The following NSRP1 variants were observed in gnomAD, a reference collection of about 807,000 sequenced individuals.
The protein encoded by NSRP1 is coiled-coil domain containing 55.
In NSRP1, 24 loss-of-function variants were observed where a neutral mutation model predicts 54.7. The observed-to-expected ratio is 0.44, with a 90% CI of 0.32 to 0.62. The LOEUF is 0.62. Ranked by LOEUF, NSRP1 falls within the 20% of genes least tolerant of loss-of-function variation. The pLI, the probability that NSRP1 is intolerant of heterozygous loss-of-function variation, is 0.06. For missense variants in NSRP1, 596 were observed against 651.2 expected, an observed-to-expected ratio of 0.92 and a Z score of 0.92; for synonymous variants, 210 against 213.8, an observed-to-expected ratio of 0.98 and a Z score of 0.15.
intron 2 of NSRP1, among the ~76,000 whole-genome samples, chr17:30,153,515 G>C (rs570466601): frequency 6.6e-6 from 1 of 152,098 alleles, no homozygotes; most frequent in African/African-American, 2.4e-5. Context: ...GCACACTCTG[G>C]CTACCTTCTG....
intron 2 of NSRP1, chr17:30,122,387 T>TATA (rs56155916): frequency 2.6e-3 from 23 of 8,844 alleles, no homozygotes; most frequent in East Asian, 5.7e-3. Flanking sequence ...ATATATATAT[T>TATA]TTTTTTTTTT....
intron 2 of NSRP1, among the ~76,000 whole-genome samples, chr17:30,145,060 A>C (rs1303058580): frequency 6.6e-6 from 1 of 152,208 alleles, no homozygotes; most frequent in Non-Finnish European, 1.5e-5. Context: ...ACTGTGTTAC[A>C]GTATGTATAC....
intron 2 of NSRP1, among the ~76,000 whole-genome samples, chr17:30,169,469 C>G (rs1904848259): frequency 1.3e-5 from 2 of 152,028 alleles, no homozygotes; most frequent in Admixed American, 1.3e-4. Context: ...AAATATTTTT[C>G]ATTCATACTA....
chr17:30,138,909 G>GGTTTT (rs2071774173), intron 2 of NSRP1, among the ~76,000 whole-genome samples: 1 of 58,140 alleles, frequency 1.7e-5, no homozygotes, highest in Non-Finnish European at 3.2e-5. Flanking sequence ...AAGTCTTAGC[G>GGTTTT]TTTTTTTTTT....
chr17:30,118,024 T>C (rs1046268419), intron 1 of NSRP1, 56 bp from the exon 2 acceptor site: 1 of 1,354,908 alleles, frequency 7.4e-7, no homozygotes, highest in East Asian at 2.3e-5. Context: ...AGTAGATGTA[T>C]TTGTTAACAT....
intron 3 of NSRP1, 92 bp downstream of exon 3, chr17:30,172,690 C>T (rs1904996445): frequency 1.1e-6 from 1 of 946,494 alleles, no homozygotes. Flanking sequence ...GAGACTAAAA[C>T]AGAATAGATT....
At chr17:30,176,147 G>C (rs1905120158) in intron 3 of NSRP1, among the ~76,000 whole-genome samples, 1 of 151,854 alleles carries the variant, frequency 6.6e-6, no homozygotes, top group Admixed American at 6.6e-5. Flanking sequence ...TTCTGTTACT[G>C]AGAGGCATAT....
At chr17:30,141,060 G>C (rs925270824) in intron 2 of NSRP1, among the ~76,000 whole-genome samples, 1 of 152,166 alleles carries the variant, frequency 6.6e-6, no homozygotes, top group African/African-American at 2.4e-5. Context: ...GGCTCAAGCA[G>C]TTCTCCTGCT....
rs1905502319 is a variant in NSRP1, at chr17:30,185,536, A to G, written c.1539A>G (p.Gln513=). 6.2e-7 allele frequency: 1 copy of G among 1,614,100 alleles called. No individual in the cohort carries two copies. Among genetic ancestry groups the G allele is most frequent in the African/African-American group, 1.3e-5 (1 of 74,938 alleles). Residue 513 remains glutamine (Q), a synonymous_variant, in exon 7 of 7, where the codon CAA becomes CAG. Transcript: ENST00000247026. ...TEEGQEKGKE[Q]ERPPEAVSKF... ...AAGGGCAAGAGAAGGGTAAAGAACA[A>G]GAGAGACCACCTGAGGCAGTGAGCA...
chr17:30,184,468 C>A, intron 6 of NSRP1, 147 bp from the exon 7 acceptor site: 1 of 991,166 alleles, frequency 1.0e-6, no homozygotes, highest in East Asian at 2.9e-5. Flanking sequence ...ACATCAGGAC[C>A]TTTTTGCATT....
rs1481107161 is a variant in NSRP1 at position 30,122,349 on chromosome 17, T to TGTGTGTGTG, written c.114+4176_114+4177insGTGTGTGTG. 204 of 72,310 alleles carry TGTGTGTGTG rather than the reference T, an allele frequency of 2.8e-3. 2 individuals are homozygous for TGTGTGTGTG. The highest frequency in any genetic ancestry group is 0.011 in the African/African-American group (201 of 17,608). 4.5% of individuals were successfully genotyped at this position (72,310 alleles called of 1,614,324 possible). ...TTTCTGGTTCATATGATAACTCTGG[T>TGTGTGTGTG]TTCATATATATATATATATATATAT... On this transcript the variant is annotated intron_variant, in intron 2 of 6. Coordinates refer to ENST00000247026, the MANE Select transcript of NSRP1 (RefSeq NM_032141.4).
At chr17:30,173,690 A>G (rs1263023505) in intron 3 of NSRP1, among the ~76,000 whole-genome samples, 2 of 152,202 alleles carry the variant, frequency 1.3e-5, no homozygotes, top group Non-Finnish European at 2.9e-5. Flanking sequence ...CAATAATTCT[A>G]TGAGATAGAT....
At chr17:30,168,017 A>C (rs939283742) in intron 2 of NSRP1, 4 of 152,188 alleles carry the variant, frequency 2.6e-5, no homozygotes, top group African/African-American at 7.2e-5. Context: ...ACCGTTCAAT[A>C]TTATAAAGTT....
At position 30,184,949 on chromosome 17, in the gene NSRP1, G is replaced by T. The variant is rs1332722944; in HGVS notation, c.952G>T (p.Asp318Tyr). 1 of 1,614,082 alleles carries T rather than the reference G, an allele frequency of 6.2e-7. No homozygotes were observed. Among genetic ancestry groups the T allele is most frequent in the Admixed American group, 1.7e-5 (1 of 60,000 alleles). Reference sequence around the variant, plus strand: ...GTCGAGAGGACATGAGAAAAGGGAAGATCAGCACCAGCAGAAGCAATCCAG... The same window carrying T: ...GTCGAGAGGACATGAGAAAAGGGAATATCAGCACCAGCAGAAGCAATCCAG... ...RTSRGHEKRE[D>Y]QHQQKQSRDQ... The change falls in exon 7 of 7, where the codon GAT becomes TAT. Residue 318 changes from aspartate to tyrosine, a missense_variant. Physicochemically the swap from Asp to Tyr is radical, Grantham distance 160 (BLOSUM62 -3). Transcript: ENST00000247026.
In NSRP1 at chr17:30,183,494, CTG is replaced by C. The variant is rs1905389261; in HGVS notation, c.618-1119_618-1118del. 2.0e-5 allele frequency among the ~76,000 whole-genome samples: 3 copies of C among 152,298 alleles called. No homozygotes were observed. In the South Asian group the frequency reaches 6.2e-4, roughly 32 times the overall value. Reference sequence around the variant, plus strand: ...ATATTTATTAGGCTGCCATGAAACTCTGTAATGTCGTTGACATAGTTGTACTT... The same window carrying C: ...ATATTTATTAGGCTGCCATGAAACTCTAATGTCGTTGACATAGTTGTACTT... On this transcript the variant is annotated intron_variant, in intron 6 of 6. Coordinates refer to ENST00000247026, the MANE Select transcript of NSRP1 (RefSeq NM_032141.4).
chr17:30,154,589 C>T (rs1227405809), intron 2 of NSRP1: 3 of 151,248 alleles, frequency 2.0e-5, no homozygotes, highest in African/African-American at 4.9e-5. Flanking sequence ...GGTACATACC[C>T]GTAGTCCCAG....
intron 2 of NSRP1, among the ~76,000 whole-genome samples, chr17:30,148,560 T>G (rs2071877836): frequency 6.6e-6 from 1 of 152,218 alleles, no homozygotes; most frequent in South Asian, 2.1e-4. Context: ...AGAGTCTTTA[T>G]TGTATTTTTC....
At chr17:30,140,144 C>G (rs2071790175) in intron 2 of NSRP1, among the ~76,000 whole-genome samples, 1 of 152,212 alleles carries the variant, frequency 6.6e-6, no homozygotes, top group Admixed American at 6.5e-5. Context: ...ATCCAGCAAT[C>G]ATTTGTTAAC....
At chr17:30,182,629 A>G (rs753898150) in intron 6 of NSRP1, among the ~76,000 whole-genome samples, 1 of 151,754 alleles carries the variant, frequency 6.6e-6, no homozygotes, top group Non-Finnish European at 1.5e-5. Context: ...CGACAGAGCC[A>G]GACTCCATCT....
Sources: gnomAD v4.1 joint callset for allele counts (sites outside exome capture counted in the v4.1 genomes callset) on GRCh38, gnomAD v4.1.1 for gene constraint, MANE v1.5 for transcripts, NCBI Gene and HGNC (gene_info 2026-07-23, HGNC 2026-07-21) for gene names.